Variants in FBXL19 observed in about 807,000 individuals in gnomAD.
The protein encoded by FBXL19 is F-box and leucine rich repeat protein 19, also known as F-box/LRR-repeat protein 19.
Under a neutral mutation model 71.2 loss-of-function variants are expected in FBXL19, and 16 were observed. That is an observed-to-expected ratio of 0.22 (90% CI 0.15 to 0.34). The LOEUF (loss-of-function observed/expected upper bound fraction) is 0.34. Ranked by LOEUF, FBXL19 falls within the 10% of genes least tolerant of loss-of-function variation. The probability of loss-of-function intolerance (pLI) is 1.00; values close to 1 mark genes in which losing one functional copy is unlikely to be tolerated. For missense variants in FBXL19, 658 were observed against 968.2 expected, an observed-to-expected ratio of 0.68 and a Z score of 4.25; for synonymous variants, 447 against 409.4, an observed-to-expected ratio of 1.09 and a Z score of -1.11.
Position 30,946,828 on chromosome 16 carries a change from G to A in FBXL19, c.1726G>A (p.Ala576Thr), listed in dbSNP as rs758866834. The A allele has an allele frequency of 1.9e-6, 3 of 1,612,536 alleles. No individual in the cohort carries two copies. Among genetic ancestry groups the A allele is most frequent in the African/African-American group, 1.3e-5 (1 of 74,994 alleles). ...DASLRLLLRH[A>T]PQLSALDLSH... ...CTCCCTGCGTCTCCTGCTGCGTCAC[G>A]CACCCCAGCTGAGCGCCCTGGACCT... Residue 576 changes from alanine to threonine, a missense_variant, in exon 10 of 11, where the codon GCA becomes ACA. Coordinates refer to ENST00000338343, the MANE Select transcript of FBXL19 (RefSeq NM_001382779.1). The surrounding 1 kb of genome is among the most constrained non-coding windows in gnomAD (Gnocchi z 6.7).
At chr16:30,936,601 CTTTTTTTTTTTTTT>C (rs547272418) in intron 7 of FBXL19, among the ~76,000 whole-genome samples, 1 of 118,172 alleles carries the variant, frequency 8.5e-6, no homozygotes, top group African/African-American at 3.3e-5. Context: ...AATTTTTTTT[CTTTTTTTTTTTTTT>C]TTTTTGTTTT....
In FBXL19 at chr16:30,942,339, C is replaced by T. The variant is rs763897115; in HGVS notation, c.1466-36C>T. On this transcript the variant is annotated intron_variant, in intron 8 of 10. Transcript: ENST00000338343. The surrounding 1 kb of genome is among the most constrained non-coding windows in gnomAD (Gnocchi z 5.7). ...AGGGACAGGCCTGGGATGGAGTCCT[C>T]ACAGCACCTGCTTCCTGACTGCCCC... The T allele has an allele frequency of 4.4e-6, 7 of 1,604,214 alleles. No individual in the cohort carries two copies. The highest frequency in any genetic ancestry group is 1.6e-4 in the Middle Eastern group (1 of 6,062).
At chr16:30,938,454 T>G (rs2055761471) in intron 7 of FBXL19, among the ~76,000 whole-genome samples, 2 of 152,132 alleles carry the variant, frequency 1.3e-5, no homozygotes, top group African/African-American at 4.8e-5. Flanking sequence ...TGCAGTGAGC[T>G]ATGATTGCAT....
chr16:30,938,180 G>A (rs573167605), intron 7 of FBXL19, among the ~76,000 whole-genome samples: 1 of 151,970 alleles, frequency 6.6e-6, no homozygotes, highest in Non-Finnish European at 1.5e-5. Flanking sequence ...GAAGGTGTTC[G>A]GACTGAAGCC....
Position 30,930,927 on chromosome 16 carries a change from T to C in FBXL19, c.1301+343T>C, listed in dbSNP as rs938886134. Among the ~76,000 whole-genome samples, 1 of 152,156 alleles carries C rather than the reference T, an allele frequency of 6.6e-6. No homozygotes were observed. The highest frequency in any genetic ancestry group is 1.5e-5 in the Non-Finnish European group (1 of 68,028). On this transcript the variant is annotated intron_variant, in intron 7 of 10. Coordinates refer to ENST00000338343, the MANE Select transcript of FBXL19 (RefSeq NM_001382779.1). The surrounding 1 kb of genome is among the most constrained non-coding windows in gnomAD (Gnocchi z 8.5). The stretch of plus-strand genomic sequence containing the variant: ...CCTTTCCTCCTAATAGTAGCGACTA[T>C]ATTGAGTGTCTAGTGTGTGTCAGCC...
rs370419999 is a variant in FBXL19 at position 30,946,975 on chromosome 16, C to A, written c.1846+27C>A. ...TAAGCACGGTCCCCCATCCGTCCTG[C>A]CAGCCTGTGGATCCCCACGGCCAGT... is the stretch of plus-strand genomic sequence containing the variant. On this transcript the variant is annotated intron_variant, in intron 10 of 10. Coordinates refer to ENST00000338343, the MANE Select transcript of FBXL19 (RefSeq NM_001382779.1). This position sits in a 1 kb window ranked among gnomAD's most constrained non-coding sequence, Gnocchi z 6.7. 8.8e-6 allele frequency: 14 copies of A among 1,588,560 alleles called. No individual in the cohort carries two copies. Among genetic ancestry groups the A allele is most frequent in the Non-Finnish European group, 1.2e-5 (14 of 1,168,398 alleles).
upstream of FBXL19, chr16:30,923,408 C>T (rs2055547821): frequency 5.6e-6 from 2 of 358,104 alleles, no homozygotes; most frequent in South Asian, 4.1e-5. Flanking sequence ...TCAGTGGCCG[C>T]AGGACTACAA....
chr16:30,930,656 C>T lies in FBXL19; in HGVS notation c.1301+72C>T. 3 of 1,377,378 alleles carry T rather than the reference C, an allele frequency of 2.2e-6. No individual in the cohort carries two copies. The highest frequency in any genetic ancestry group is 2.8e-5 in the East Asian group (1 of 35,782). 85.3% of individuals were successfully genotyped at this position (1,377,378 alleles called of 1,614,324 possible). A position where few individuals can be genotyped will look rare whatever the true frequency, so the allele number is the denominator to read the frequency against. Reference sequence around the variant, plus strand: ...GCTTGCTGGGTGACCTGCGGTAGGTCTCTGGCCCTCTCTGGGCCTTGCTTT... The same window carrying T: ...GCTTGCTGGGTGACCTGCGGTAGGTTTCTGGCCCTCTCTGGGCCTTGCTTT... On this transcript the variant is annotated intron_variant, in intron 7 of 10. Coordinates refer to ENST00000338343, the MANE Select transcript of FBXL19 (RefSeq NM_001382779.1). This position sits in a 1 kb window ranked among gnomAD's most constrained non-coding sequence, Gnocchi z 8.5.
intron 7 of FBXL19, among the ~76,000 whole-genome samples, chr16:30,940,953 G>C (rs538205267): frequency 3.3e-5 from 5 of 152,220 alleles, no homozygotes; most frequent in African/African-American, 1.2e-4. Flanking sequence ...ACAGGTGTGA[G>C]CCACTGCACC....
At chr16:30,924,593 C>T (rs2055567481) in intron 1 of FBXL19, 134 bp downstream of exon 1, 1 of 1,356,114 alleles carries the variant, frequency 7.4e-7, no homozygotes, top group South Asian at 1.9e-5. Flanking sequence ...CTCCAGCCCT[C>T]CTTCCTATGA....
intron 6 of FBXL19, 84 bp from the exon 7 acceptor site, chr16:30,929,989 T>C: frequency 6.6e-7 from 1 of 1,519,564 alleles, no homozygotes; most frequent in Non-Finnish European, 8.9e-7. Flanking sequence ...CTCGGGCTGT[T>C]CATCCCCTGG....
intron 7 of FBXL19, among the ~76,000 whole-genome samples, chr16:30,933,807 C>T (rs2055701169): frequency 6.6e-6 from 1 of 150,396 alleles, no homozygotes; most frequent in Non-Finnish European, 1.5e-5. Flanking sequence ...GGCTGGAGTG[C>T]AATGGCATGA....
In FBXL19 at chr16:30,947,091, G is replaced by A. The variant is rs1254257876; in HGVS notation, c.1886G>A (p.Arg629His). ...ACGGACCACTGCCTCCCGCTGTTCC[G>A]CCGCTGCCCTCGTCTACGCCGCCTA... The part of the protein sequence containing the change: ...RLTDHCLPLF[R>H]RCPRLRRLDL... The change falls in exon 11 of 11, where the codon CGC (arginine) becomes CAC (histidine). Residue 629 changes from arginine (R) to histidine (H), a missense_variant. Around this residue, in one of 8 missense-constraint regions of FBXL19, gnomAD observed 69 missense variants for 177.8 expected, o/e 0.39. Transcript: ENST00000338343. 3 of 1,597,422 alleles carry A rather than the reference G, an allele frequency of 1.9e-6. No homozygotes were observed. Among genetic ancestry groups the A allele is most frequent in the African/African-American group, 1.3e-5 (1 of 74,746 alleles).
chr16:30,947,386 C>T lies in FBXL19; in HGVS notation c.*156C>T, dbSNP rs1012426572. On this transcript the variant is annotated 3_prime_UTR_variant, in exon 11 of 11. Coordinates refer to ENST00000338343, the MANE Select transcript of FBXL19 (RefSeq NM_001382779.1). ...ACCCAGGGACTCAAGCCAGCCACCC[C>T]CTTCTTTCCCCCCTGCACTGATATC... 9.8e-6 allele frequency: 6 copies of T among 614,950 alleles called. No individual in the cohort carries two copies. Among genetic ancestry groups the T allele is most frequent in the African/African-American group, 3.7e-5 (2 of 54,066 alleles). The allele number at this position is 614,950 out of a possible 1,614,324, so 38.1% of individuals were successfully genotyped here. A position where few individuals can be genotyped will look rare whatever the true frequency, so the allele number is the denominator to read the frequency against.
chr16:30,923,522 GGGAGGA>G (rs530252545), upstream of FBXL19, among the ~76,000 whole-genome samples: 2 of 144,964 alleles, frequency 1.4e-5, no homozygotes, highest in Admixed American at 6.8e-5. Context: ...AGTAAAGAGG[GGGAGGA>G]GGAGGAGGAG....
In FBXL19 at chr16:30,946,979, C is replaced by T. The variant is rs761261964; in HGVS notation, c.1846+31C>T. ...CACGGTCCCCCATCCGTCCTGCCAG[C>T]CTGTGGATCCCCACGGCCAGTGCCA... On this transcript the variant is annotated intron_variant, in intron 10 of 10. Transcript: ENST00000338343. The surrounding 1 kb of genome is among the most constrained non-coding windows in gnomAD (Gnocchi z 6.7). 2.5e-6 allele frequency: 4 copies of T among 1,585,968 alleles called. No individual in the cohort carries two copies. Among genetic ancestry groups the T allele is most frequent in the Non-Finnish European group, 1.7e-6 (2 of 1,167,070 alleles).
rs2055550904 is a variant in FBXL19 at position 30,923,573 on chromosome 16, A to AGAGAGGAGGAAGGAGGAAGGAG, written c.-910_-889dup. Among the ~76,000 whole-genome samples the AGAGAGGAGGAAGGAGGAAGGAG allele has an allele frequency of 7.4e-6, 1 of 134,962 alleles. No homozygotes were observed. Among genetic ancestry groups the AGAGAGGAGGAAGGAGGAAGGAG allele is most frequent in the African/African-American group, 2.8e-5 (1 of 35,686 alleles). The allele number at this position is 134,962 out of a possible 152,430, so 88.5% of individuals were successfully genotyped here. A position where few individuals can be genotyped will look rare whatever the true frequency, so the allele number is the denominator to read the frequency against. ...AGGAGGGAGGGGAGGGGAGGGGGGAAGAGAGGAGGAAGGAGGAAGGAGCTG... is the reference window on the plus strand; with the variant it reads ...AGGAGGGAGGGGAGGGGAGGGGGGAAGAGAGGAGGAAGGAGGAAGGAGGAGAGGAGGAAGGAGGAAGGAGCTG... On this transcript the variant is annotated 5_prime_UTR_variant, in exon 1 of 11. Transcript: ENST00000338343.
chr16:30,947,831 G>A lies in FBXL19; in HGVS notation c.*601G>A, dbSNP rs747720273. 2 of 448,464 alleles carry A rather than the reference G, an allele frequency of 4.5e-6. No individual in the cohort carries two copies. Among genetic ancestry groups the A allele is most frequent in the South Asian group, 1.6e-5 (1 of 63,580 alleles). 27.8% of individuals were successfully genotyped at this position (448,464 alleles called of 1,614,324 possible). A position where few individuals can be genotyped will look rare whatever the true frequency, so the allele number is the denominator to read the frequency against. Reference sequence around the variant, plus strand: ...ATACCCCCTTGGGGGTCACCTCTCTGCTTCCCCCCTCCCCAGGCTTCAGTT... The same window carrying A: ...ATACCCCCTTGGGGGTCACCTCTCTACTTCCCCCCTCCCCAGGCTTCAGTT... On this transcript the variant is annotated 3_prime_UTR_variant, in exon 11 of 11. Coordinates refer to ENST00000338343, the MANE Select transcript of FBXL19 (RefSeq NM_001382779.1).
chr16:30,936,859 C>T (rs1260110082), intron 7 of FBXL19, among the ~76,000 whole-genome samples: 1 of 151,638 alleles, frequency 6.6e-6, no homozygotes, highest in Non-Finnish European at 1.5e-5. Flanking sequence ...TCTCCTGCCT[C>T]AGCCTCCTGA....
Sources: allele counts gnomAD v4.1 joint callset (sites outside exome capture counted in the v4.1 genomes callset), GRCh38; gene constraint gnomAD v4.1.1; regional missense constraint gnomAD v4.1.1; non-coding constraint Gnocchi (gnomAD v3.1); transcripts MANE v1.5; gene names NCBI Gene and HGNC (gene_info 2026-07-23, HGNC 2026-07-21).